Variants in SNX7 observed in about 807,000 individuals in gnomAD.
SNX7 encodes sorting nexin 7.
SNX7 carries 35 observed loss-of-function variants against 48.4 expected under a neutral mutation model. That is an observed-to-expected ratio of 0.72 (90% CI 0.55 to 0.96). The LOEUF (loss-of-function observed/expected upper bound fraction) is 0.96, where lower values mean the gene tolerates loss of function less well. SNX7 is among the 40% of genes least tolerant of loss of function. The probability of loss-of-function intolerance (pLI) is 0.00; values close to 1 mark genes in which losing one functional copy is unlikely to be tolerated. For synonymous variants in SNX7, 190 were observed against 190.2 expected (o/e 1.00, Z 0.01); for missense variants, 553 against 548.9 (o/e 1.01, Z -0.07).
intron 1 of SNX7, among the ~76,000 whole-genome samples, chr1:98,665,856 C>T (rs996776157): frequency 2.6e-5 from 4 of 152,158 alleles, no homozygotes; most frequent in African/African-American, 7.2e-5. Context: ...TCCCAAAGTG[C>T]AGGGATTACA....
intron 7 of SNX7, among the ~76,000 whole-genome samples, chr1:98,713,941 A>G (rs1652451909): frequency 6.6e-6 from 1 of 152,228 alleles, no homozygotes; most frequent in Non-Finnish European, 1.5e-5. Context: ...AAAATGTGAC[A>G]CAGACACGTG....
chr1:98,750,711 G>A (rs1396892188), intron 8 of SNX7, among the ~76,000 whole-genome samples: 2 of 151,840 alleles, frequency 1.3e-5, no homozygotes, highest in African/African-American at 4.9e-5. Flanking sequence ...AAGAAAAGCA[G>A]TTAACTCAGT....
rs1314099892 is a variant in SNX7, at chr1:98,719,919, C to T, written c.1125+18016C>T. Among the ~76,000 whole-genome samples the T allele has an allele frequency of 2.0e-5, 3 of 148,900 alleles. No individual in the cohort carries two copies. The Admixed American group carries it at 2.0e-4, about 10-fold the overall frequency. On this transcript the variant is annotated intron_variant, in intron 7 of 8. Transcript: ENST00000306121. ...ATATCAACTATAATATATATTTCAA[C>T]TATGTATATTATATATATTATTCAA...
intron 4 of SNX7, among the ~76,000 whole-genome samples, chr1:98,694,887 G>T (rs1053062014): frequency 1.3e-4 from 20 of 151,744 alleles, no homozygotes; most frequent in Non-Finnish European, 2.2e-4. Flanking sequence ...GATTACGGAC[G>T]TGAGCCACTG....
chr1:98,716,049 C>T (rs564092954), intron 7 of SNX7, among the ~76,000 whole-genome samples: 1 of 152,042 alleles, frequency 6.6e-6, no homozygotes, highest in Non-Finnish European at 1.5e-5. Flanking sequence ...CTTTTATTTT[C>T]CGTATTTGTA....
rs1245887830 is a variant in SNX7, at chr1:98,661,790, C to T, written c.59C>T (p.Ala20Val). The T allele has an allele frequency of 1.6e-6, 2 of 1,244,032 alleles. No individual in the cohort carries two copies. Among genetic ancestry groups the T allele is most frequent in the African/African-American group, 1.6e-5 (1 of 64,380 alleles). 77.1% of individuals were successfully genotyped at this position (1,244,032 alleles called of 1,614,324 possible). ...TCCTCGGGCCTCCCGGCCGGGGGCG[C>T]CAACGGGGAGAGCCCGGGGGGCGGC... Reference protein sequence around the residue: ...APSSGLPAGGANGESPGGGAP... With the variant: ...APSSGLPAGGVNGESPGGGAP... The change falls in exon 1 of 9, where the codon GCC becomes GTC. Residue 20 changes from alanine (A) to valine (V), a missense_variant. Transcript: ENST00000306121.
chr1:98,739,625 C>T (rs1469148222), intron 8 of SNX7, among the ~76,000 whole-genome samples: 1 of 152,024 alleles, frequency 6.6e-6, no homozygotes, highest in Non-Finnish European at 1.5e-5. Flanking sequence ...GTCATATAAC[C>T]TAATCTAGAA....
chr1:98,698,867 G>A lies in SNX7; in HGVS notation c.1000G>A (p.Val334Ile), dbSNP rs773182821. 5.6e-6 allele frequency: 9 copies of A among 1,613,610 alleles called. No individual in the cohort carries two copies. In the Admixed American group the frequency reaches 8.3e-5, roughly 15 times the overall value. ...MSGLSEALLP[V>I]VHEYVLYSEM... ...TGGACTCTCAGAGGCCCTGCTTCCTGTTGTACATGAGTACGTGCTTTATAG... is the reference window on the plus strand; with the variant it reads ...TGGACTCTCAGAGGCCCTGCTTCCTATTGTACATGAGTACGTGCTTTATAG... The change falls in exon 6 of 9, where the codon GTT becomes ATT. Residue 334 changes from valine (V) to isoleucine (I), a missense_variant. Val to Ile is a conservative substitution (Grantham distance 29). Transcript: ENST00000306121.
chr1:98,662,002 C>G lies in SNX7; in HGVS notation c.180+91C>G, dbSNP rs904551514. ...CCGACGGCTGCCTCTGGCGCGCTTG[C>G]CCTCCCGGGGCGGTGGCTCTGAGCT... On this transcript the variant is annotated intron_variant, in intron 1 of 8. Coordinates refer to ENST00000306121, the MANE Select transcript of SNX7 (RefSeq NM_015976.5). The G allele has an allele frequency of 2.1e-5, 25 of 1,204,106 alleles. No homozygotes were observed. In the African/African-American group the frequency reaches 3.6e-4, roughly 17 times the overall value. The allele number at this position is 1,204,106 out of a possible 1,614,324, so 74.6% of individuals were successfully genotyped here.
At chr1:98,744,622 CAG>C (rs2101044233) in intron 8 of SNX7, among the ~76,000 whole-genome samples, 1 of 152,008 alleles carries the variant, frequency 6.6e-6, no homozygotes, top group East Asian at 1.9e-4. Context: ...ACTAAGAAAA[CAG>C]AACTAACTCA....
chr1:98,711,752 A>G (rs1158789772), intron 7 of SNX7, among the ~76,000 whole-genome samples: 2 of 152,190 alleles, frequency 1.3e-5, no homozygotes, highest in South Asian at 4.1e-4. Context: ...TATGAGAATA[A>G]GGAAGTTTGC....
At chr1:98,701,030 T>C (rs921153981) in intron 6 of SNX7, among the ~76,000 whole-genome samples, 1 of 152,154 alleles carries the variant, frequency 6.6e-6, no homozygotes, top group East Asian at 1.9e-4. Flanking sequence ...CAGTAAAAGA[T>C]GAGTACAAAT....
intron 2 of SNX7, among the ~76,000 whole-genome samples, chr1:98,689,459 C>G (rs943904517): frequency 1.3e-5 from 2 of 152,108 alleles, no homozygotes; most frequent in Non-Finnish European, 2.9e-5. Context: ...GAGTCAGTGA[C>G]AGAGTGATGA....
At chr1:98,665,003 G>GA (rs1309188797) in intron 1 of SNX7, among the ~76,000 whole-genome samples, 2 of 152,052 alleles carry the variant, frequency 1.3e-5, no homozygotes, top group African/African-American at 4.8e-5. Flanking sequence ...ACGTTTAAAG[G>GA]AAAAAATCCT....
intron 1 of SNX7, among the ~76,000 whole-genome samples, chr1:98,682,681 A>G (rs1650565894): frequency 6.6e-6 from 1 of 152,078 alleles, no homozygotes; most frequent in African/African-American, 2.4e-5. Context: ...TTTTACTTAT[A>G]TTGTTTCTTA....
At chr1:98,677,956 T>G (rs901973603) in intron 1 of SNX7, among the ~76,000 whole-genome samples, 1 of 151,348 alleles carries the variant, frequency 6.6e-6, no homozygotes, top group African/African-American at 2.4e-5. Flanking sequence ...TATCTAGCCA[T>G]AGATCTAGAG....
intron 8 of SNX7, among the ~76,000 whole-genome samples, chr1:98,753,772 G>T (rs754533867): frequency 2.6e-5 from 4 of 152,002 alleles, no homozygotes; most frequent in African/African-American, 9.7e-5. Context: ...GTAAAGTGTG[G>T]TGCTGTTCCT....
intron 2 of SNX7, among the ~76,000 whole-genome samples, chr1:98,688,683 T>C (rs983381202): frequency 6.6e-6 from 1 of 152,214 alleles, no homozygotes; most frequent in Non-Finnish European, 1.5e-5. Context: ...AGTTCATTAG[T>C]ACTAAACTTC....
chr1:98,699,668 C>T (rs1163898243), intron 6 of SNX7, among the ~76,000 whole-genome samples: 2 of 152,036 alleles, frequency 1.3e-5, no homozygotes, highest in Non-Finnish European at 2.9e-5. Flanking sequence ...GACATGTACC[C>T]TTGATTTCTA....
Sources: allele counts gnomAD v4.1 joint callset (sites outside exome capture counted in the v4.1 genomes callset), GRCh38; gene constraint gnomAD v4.1.1; transcripts MANE v1.5; gene names NCBI Gene and HGNC (gene_info 2026-07-23, HGNC 2026-07-21).